TRPM6: variants seen among roughly 807,000 people sequenced by gnomAD.
TRPM6 encodes the protein channel kinase 2.
In TRPM6, 111 loss-of-function variants were observed where a neutral mutation model predicts 247.6. The observed-to-expected ratio is 0.45, with a 90% CI of 0.38 to 0.52. TRPM6 has a LOEUF of 0.52. TRPM6 is among the 20% of genes least tolerant of loss of function. The pLI is 0.00. For synonymous variants in TRPM6, 892 were observed against 853.8 expected, an observed-to-expected ratio of 1.04 and a Z score of -0.78; for missense variants, 2,126 against 2,421.5, an observed-to-expected ratio of 0.88 and a Z score of 2.56.
Position 74,728,150 on chromosome 9 carries a change from G to T in TRPM6, c.5935+89C>A, listed in dbSNP as rs1252798799. ...ATGACGGTGAATGAGATAAAAATGT[G>T]ATTACGATTTTCTACTTTATCCCAG... On this transcript the variant is annotated intron_variant, in intron 38 of 38. Transcript: ENST00000360774. The T allele has an allele frequency of 1.7e-5, 18 of 1,038,892 alleles. No individual in the cohort carries two copies. In the East Asian group the frequency reaches 4.0e-4, roughly 23 times the overall value. The allele number at this position is 1,038,892 out of a possible 1,614,324, so 64.4% of individuals were successfully genotyped here. A position where few individuals can be genotyped will look rare whatever the true frequency, so the allele number is the denominator to read the frequency against.
At chr9:74,765,316 T>C (rs924913529) in intron 25 of TRPM6, among the ~76,000 whole-genome samples, 1 of 150,810 alleles carries the variant, frequency 6.6e-6, no homozygotes, top group African/African-American at 2.5e-5. Context: ...GTATATGTAA[T>C]TAATTGGAGA....
chr9:74,867,694 G>A (rs1240030983), intron 1 of TRPM6, among the ~76,000 whole-genome samples: 1 of 152,118 alleles, frequency 6.6e-6, no homozygotes, highest in African/African-American at 2.4e-5. Context: ...CAGTGACCTT[G>A]GGAAGCTTGC....
chr9:74,739,432 T>A lies in TRPM6; in HGVS notation c.5505A>T (p.Arg1835Ser), dbSNP rs773358324. The A allele has an allele frequency of 6.2e-7, 1 of 1,614,116 alleles. No homozygotes were observed. The highest frequency in any genetic ancestry group is 8.5e-7 in the Non-Finnish European group (1 of 1,179,992). Residue 1835 changes from arginine (R) to serine (S), a missense_variant, in exon 35 of 39, where the codon AGA (arginine) becomes AGT (serine). Around this residue, in one of 3 missense-constraint regions of TRPM6, gnomAD observed 327 missense variants for 397.7 expected, o/e 0.82. Coordinates refer to ENST00000360774, the MANE Select transcript of TRPM6 (RefSeq NM_017662.5). ...HLCLREIQQQ[R>S]AAQKLIYTFN... ...AGGTATAGATCAATTTTTGAGCAGC[T>A]CTTTGTTGTTGAATTTCCTACAAAA...
intron 25 of TRPM6, among the ~76,000 whole-genome samples, chr9:74,768,788 C>T (rs768732467): frequency 6.6e-6 from 1 of 152,218 alleles, no homozygotes; most frequent in Non-Finnish European, 1.5e-5. Flanking sequence ...TTCTGACCCC[C>T]TCAAATCCAC....
intron 9 of TRPM6, among the ~76,000 whole-genome samples, chr9:74,819,087 C>T (rs986010269): frequency 4.6e-5 from 7 of 152,100 alleles, no homozygotes; most frequent in African/African-American, 1.7e-4. Flanking sequence ...ACAGGCAGAT[C>T]GCTTGAGGCC....
chr9:74,784,874 G>A (rs1827591051), intron 21 of TRPM6, among the ~76,000 whole-genome samples: 1 of 152,150 alleles, frequency 6.6e-6, no homozygotes, highest in South Asian at 2.1e-4. Context: ...CATTTTGGGA[G>A]GCTGAGGCAG....
At chr9:74,887,503 T>C in intron 1 of TRPM6, 1 of 1,134,622 alleles carries the variant, frequency 8.8e-7, no homozygotes, top group Non-Finnish European at 1.3e-6. Flanking sequence ...TCCCGGGGTG[T>C]TTCCCACCGC....
chr9:74,723,493 T>C lies in TRPM6; in HGVS notation c.*1120A>G, dbSNP rs1378973360. On this transcript the variant is annotated 3_prime_UTR_variant, in exon 39 of 39. Coordinates refer to ENST00000360774, the MANE Select transcript of TRPM6 (RefSeq NM_017662.5). ...AATGATTTCCAGTTCTTCATATTCT[T>C]GTTCTCGTTTAAAAAAAAAAAAAAA... 6.7e-6 allele frequency: 1 copy of C among 149,140 alleles called. No homozygotes were observed. Among genetic ancestry groups the C allele is most frequent in the African/African-American group, 2.5e-5 (1 of 39,936 alleles). 9.2% of individuals were successfully genotyped at this position (149,140 alleles called of 1,614,324 possible). A position where few individuals can be genotyped will look rare whatever the true frequency, so the allele number is the denominator to read the frequency against.
At chr9:74,867,699 G>A (rs1027056256) in intron 1 of TRPM6, among the ~76,000 whole-genome samples, 3 of 152,180 alleles carry the variant, frequency 2.0e-5, no homozygotes, top group African/African-American at 7.2e-5. Flanking sequence ...ACCTTGGGAA[G>A]CTTGCGAAGT....
Position 74,803,870 on chromosome 9 carries a change from G to C in TRPM6, c.1655C>G (p.Ser552Ter). Residue 552 changes from serine to a stop codon, truncating the protein, a stop_gained, in exon 15 of 39, where the codon TCA becomes TGA. Coordinates refer to ENST00000360774, the MANE Select transcript of TRPM6 (RefSeq NM_017662.5). LOFTEE classifies it high-confidence loss of function. ...YRKYKHQRHS[S>*]GNRNESAEST... ...TTCTGCAGACTCATTTCTATTTCCT[G>C]AGGAGTGTCTCTGGTGCTGGGAAAG... 1.2e-6 allele frequency: 2 copies of C among 1,612,546 alleles called. No homozygotes were observed. Among genetic ancestry groups the C allele is most frequent in the Non-Finnish European group, 1.7e-6 (2 of 1,178,584 alleles).
At chr9:74,869,558 T>C (rs1056164203) in intron 1 of TRPM6, among the ~76,000 whole-genome samples, 1 of 152,054 alleles carries the variant, frequency 6.6e-6, no homozygotes, top group Admixed American at 6.6e-5. Flanking sequence ...CTAAATGTCT[T>C]AGGTGCTTTA....
chr9:74,791,030 C>T (rs1471005222), intron 19 of TRPM6, among the ~76,000 whole-genome samples: 5 of 152,138 alleles, frequency 3.3e-5, no homozygotes, highest in African/African-American at 1.2e-4. Context: ...CCATGGTGGG[C>T]AGATCTGGCT....
chr9:74,863,605 G>A (rs1830753431), intron 1 of TRPM6, among the ~76,000 whole-genome samples: 1 of 151,724 alleles, frequency 6.6e-6, no homozygotes, highest in Non-Finnish European at 1.5e-5. Flanking sequence ...TTTTTGAGAC[G>A]GAGTCTCGCT....
At chr9:74,807,349 T>C (rs1322941193) in intron 14 of TRPM6, among the ~76,000 whole-genome samples, 3 of 152,144 alleles carry the variant, frequency 2.0e-5, no homozygotes, top group African/African-American at 7.2e-5. Flanking sequence ...TACTGCTCCT[T>C]CTCTTCTCTC....
At chr9:74,730,682 C>T (rs1047016492) in intron 37 of TRPM6, among the ~76,000 whole-genome samples, 1 of 152,102 alleles carries the variant, frequency 6.6e-6, no homozygotes, top group Non-Finnish European at 1.5e-5. Context: ...ACCATCTTCC[C>T]GGTGATGCTG....
At chr9:74,786,225 T>C in intron 20 of TRPM6, 100 bp from the exon 21 acceptor site, 1 of 1,365,100 alleles carries the variant, frequency 7.3e-7, no homozygotes, top group Non-Finnish European at 1.0e-6. Context: ...GAAAGAGTAA[T>C]CTAAAACCTG....
At chr9:74,865,656 A>G (rs1485520565) in intron 1 of TRPM6, among the ~76,000 whole-genome samples, 1 of 152,226 alleles carries the variant, frequency 6.6e-6, no homozygotes, top group Admixed American at 6.5e-5. Flanking sequence ...GTCTTCATTT[A>G]TGCTCCAAAT....
chr9:74,875,212 T>C, intron 1 of TRPM6: 1 of 453,756 alleles, frequency 2.2e-6, no homozygotes, highest in Non-Finnish European at 4.4e-6. Context: ...TTCAGAGATG[T>C]TGGCCTGCAC....
chr9:74,738,392 T>TACATCATC lies in TRPM6; in HGVS notation c.5776+7_5776+14dup, dbSNP rs1197672234. On this transcript the variant is annotated intron_variant, in intron 36 of 38. Transcript: ENST00000360774. ...GCCTCATGCTTGTTGTATCAAATCC[T>TACATCATC]ACATCATCAATCACCTTGCAAATCT... 1.2e-6 allele frequency: 2 copies of TACATCATC among 1,613,208 alleles called. No homozygotes were observed. The highest frequency in any genetic ancestry group is 1.7e-6 in the Non-Finnish European group (2 of 1,179,720).
Sources: gnomAD v4.1 joint callset for allele counts (sites outside exome capture counted in the v4.1 genomes callset) on GRCh38, gnomAD v4.1.1 for gene constraint, gnomAD v4.1.1 regional missense constraint, MANE v1.5 for transcripts, NCBI Gene and HGNC (gene_info 2026-07-23, HGNC 2026-07-21) for gene names.